RPL21: variants seen among roughly 807,000 people sequenced by gnomAD.
RPL21 encodes the protein ribosomal protein L21.
RPL21 carries 1 observed loss-of-function variant against 21.2 expected under a neutral mutation model. That is an observed-to-expected ratio of 0.05 (90% confidence interval 0.02 to 0.22). The LOEUF is 0.22. Among genes scored for constraint, RPL21 ranks in the 10% least tolerant of loss-of-function variants. The pLI, the probability that RPL21 is intolerant of heterozygous loss-of-function variation, is 1.00. For missense variants in RPL21, 113 were observed against 199.4 expected (o/e 0.57, Z 2.61); for synonymous variants, 52 against 62.9 (o/e 0.83, Z 0.82).
At chr13:27,253,563 A>G (rs1024933112) in intron 1 of RPL21, 5 of 515,716 alleles carry the variant, frequency 9.7e-6, no homozygotes, top group East Asian at 3.5e-5. Flanking sequence ...TTGATGTTAT[A>G]GAACTTGGGC....
intron 4 of RPL21, 128 bp from the exon 5 acceptor site, chr13:27,256,056 C>T: frequency 1.4e-6 from 1 of 733,176 alleles, no homozygotes; most frequent in East Asian, 2.7e-5. Flanking sequence ...TCAAGGCATA[C>T]TTTGTTGATT....
chr13:27,254,923 T>C, intron 3 of RPL21: 1 of 444,224 alleles, frequency 2.3e-6, no homozygotes, highest in Admixed American at 3.2e-5. Flanking sequence ...GGGTGGGAAA[T>C]TATGAGTTTA....
chr13:27,255,955 A>G (rs905346323), intron 4 of RPL21: 29 of 510,584 alleles, frequency 5.7e-5, no homozygotes, highest in African/African-American at 5.4e-4. Context: ...CTAGAGTTTA[A>G]GAGACCATCA....
chr13:27,254,364 A>G, intron 3 of RPL21, 83 bp downstream of exon 3: 1 of 670,866 alleles, frequency 1.5e-6, no homozygotes, highest in Admixed American at 1.9e-5. Context: ...ATACTAGTGT[A>G]TGTTGCATCT....
intron 1 of RPL21, among the ~76,000 whole-genome samples, chr13:27,252,703 G>A (rs183715870): frequency 5.9e-5 from 9 of 152,308 alleles, no homozygotes; most frequent in African/African-American, 2.2e-4. Flanking sequence ...AGAGTACCTG[G>A]CATTTAAAGG....
At chr13:27,256,033 G>A (rs1881887934) in intron 4 of RPL21, 151 bp from the exon 5 acceptor site, 1 of 670,852 alleles carries the variant, frequency 1.5e-6, no homozygotes, top group Non-Finnish European at 2.7e-6. Context: ...TTAATTGATT[G>A]TAAATTAAGT....
chr13:27,252,561 A>C (rs1881701675), intron 1 of RPL21, among the ~76,000 whole-genome samples: 1 of 152,194 alleles, frequency 6.6e-6, no homozygotes, highest in African/African-American at 2.4e-5. Context: ...GGAATCAGGA[A>C]TGAGTTAACT....
In RPL21 at chr13:27,256,257, C is replaced by G; in HGVS notation, c.316C>G (p.Leu106Val). The G allele has an allele frequency of 6.3e-7, 1 of 1,591,374 alleles. No homozygotes were observed. Among genetic ancestry groups the G allele is most frequent in the Non-Finnish European group, 8.6e-7 (1 of 1,163,704 alleles). The change falls in exon 5 of 6, where the codon CTG (leucine) becomes GTG (valine). Residue 106 changes from leucine to valine, a missense_variant. Transcript: ENST00000311549. ...GCACTCTAAGAGCCGAGATAGCTTC[C>G]TGAAACGTGTGAAGGAAAATGATCA... ...IKHSKSRDSFLKRVKENDQKK... is the reference protein window; with the variant it reads ...IKHSKSRDSFVKRVKENDQKK...
chr13:27,253,304 T>TA (rs1881735874), intron 1 of RPL21, among the ~76,000 whole-genome samples: 1 of 152,248 alleles, frequency 6.6e-6, no homozygotes, highest in Non-Finnish European at 1.5e-5. Context: ...GATAGTTAAA[T>TA]AGATGATGTT....
rs112351536 is a variant in RPL21 at position 27,253,782 on chromosome 13, G to A, written c.6G>A (p.Thr2=). The change falls in exon 2 of 6, where the codon ACG becomes ACA. Residue 2 remains threonine (T), a synonymous_variant. Transcript: ENST00000311549. ...GGTTTCAGTAATTCGCCAAAATGAC[G>A]AACACAAAGGGAAAGAGGAGAGGCA... M[T]NTKGKRRGTR... 35 of 1,602,230 alleles carry A rather than the reference G, an allele frequency of 2.2e-5. No homozygotes were observed. In the African/African-American group the frequency reaches 3.5e-4, roughly 16 times the overall value.
intron 1 of RPL21, 62 bp from the exon 2 acceptor site, chr13:27,253,703 C>A: frequency 1.1e-6 from 1 of 875,616 alleles, no homozygotes; most frequent in Non-Finnish European, 2.0e-6. Flanking sequence ...TTTGAAATTA[C>A]AGGGGTTTGG....
intron 1 of RPL21, chr13:27,251,837 C>T (rs1488506157): frequency 6.6e-6 from 1 of 152,394 alleles, no homozygotes; most frequent in Non-Finnish European, 1.5e-5. Context: ...AAAGACGAGA[C>T]TGAGTCGCTT....
intron 1 of RPL21, 180 bp downstream of exon 1, chr13:27,251,765 T>C (rs3094290): frequency 0.89 from 136,254 of 153,432 alleles, 60,788 homozygotes; most frequent in South Asian, 0.95. Context: ...CCGGGTCGGG[T>C]CTGGGCCGTG....
chr13:27,256,132 A>G, intron 4 of RPL21, 52 bp from the exon 5 acceptor site: 2 of 1,404,814 alleles, frequency 1.4e-6, no homozygotes, highest in Admixed American at 1.9e-5. Flanking sequence ...AGTTTTCTAC[A>G]TTTCTGTTAT....
intron 1 of RPL21, 133 bp from the exon 2 acceptor site, chr13:27,253,628 GAACT>G (rs1432281070): frequency 5.9e-6 from 4 of 674,296 alleles, no homozygotes; most frequent in Non-Finnish European, 8.3e-6. Flanking sequence ...CCTTTCAACA[GAACT>G]AACTGCTTGG....
intron 1 of RPL21, among the ~76,000 whole-genome samples, chr13:27,252,866 C>T (rs1172886780): frequency 6.6e-6 from 1 of 152,184 alleles, no homozygotes; most frequent in Non-Finnish European, 1.5e-5. Flanking sequence ...ATTGTCAACA[C>T]GTCAAGCCTG....
chr13:27,254,148 C>T, intron 2 of RPL21, 72 bp from the exon 3 acceptor site: 1 of 918,604 alleles, frequency 1.1e-6, no homozygotes, highest in East Asian at 2.4e-5. Flanking sequence ...GTGTTAAAAG[C>T]TAGTAAAATT....
chr13:27,252,395 C>T (rs1335765037), intron 1 of RPL21, among the ~76,000 whole-genome samples: 2 of 152,140 alleles, frequency 1.3e-5, no homozygotes, highest in Admixed American at 6.5e-5. Flanking sequence ...CTGCAGGTTG[C>T]TCTTTATGGT....
At chr13:27,253,331 G>A (rs1254036416) in intron 1 of RPL21, among the ~76,000 whole-genome samples, 1 of 152,198 alleles carries the variant, frequency 6.6e-6, no homozygotes, top group African/African-American at 2.4e-5. Context: ...ACACCATCAC[G>A]GAAAATTTGG....
Sources: allele counts gnomAD v4.1 joint callset (sites outside exome capture counted in the v4.1 genomes callset), GRCh38; gene constraint gnomAD v4.1.1; transcripts MANE v1.5; gene names NCBI Gene and HGNC (gene_info 2026-07-23, HGNC 2026-07-21).